ITGA4: variants seen among roughly 807,000 people sequenced by gnomAD.
ITGA4 encodes the protein integrin subunit alpha 4.
Under a neutral mutation model 133.6 loss-of-function variants are expected in ITGA4, and 63 were observed. The ratio of observed to expected loss-of-function variants is 0.47; its 90% CI spans 0.38 to 0.58. ITGA4 has a LOEUF of 0.58. Ranked by LOEUF, ITGA4 falls within the 20% of genes least tolerant of loss-of-function variation. ITGA4 has a pLI of 0.00. For synonymous variants in ITGA4, 483 were observed against 438.0 expected (o/e 1.10, Z -1.28); for missense variants, 1,076 against 1,252.7 (o/e 0.86, Z 2.13).
chr2:181,531,678 C>T lies in ITGA4; in HGVS notation c.2686C>T (p.His896Tyr). ...RLLYCIKADP[H>Y]CLNFLCNFGK... The stretch of plus-strand genomic sequence containing the variant: ...CAAGTACTGCATAAAAGCTGATCCA[C>T]ATTGTTTAAATTTCTTGTGTAATTT... The change falls in exon 25 of 28, where the codon CAT becomes TAT. Residue 896 changes from histidine to tyrosine, a missense_variant. His to Tyr is a moderately conservative substitution (Grantham distance 83, BLOSUM62 2). This residue lies in a region of ITGA4 where 193 missense variants were observed against 172.3 expected (regional missense o/e 1.12). Transcript: ENST00000397033. 1 of 1,599,838 alleles carries T rather than the reference C, an allele frequency of 6.3e-7. No homozygotes were observed.
At chr2:181,458,495 G>A (rs1403438857) in intron 2 of ITGA4, 178 bp downstream of exon 2, 4 of 667,244 alleles carry the variant, frequency 6.0e-6, no homozygotes, top group Non-Finnish European at 5.1e-6. Flanking sequence ...TTCCCTTTCT[G>A]TTAATATCGT....
intron 17 of ITGA4, among the ~76,000 whole-genome samples, chr2:181,521,723 C>T (rs1686724474): frequency 6.6e-6 from 1 of 152,186 alleles, no homozygotes; most frequent in South Asian, 2.1e-4. Context: ...TTCCTCATGC[C>T]TTGCTCACTT....
At position 181,537,884 on chromosome 2, in the gene ITGA4, T is replaced by C. The variant is rs1256389448; in HGVS notation, c.*2357T>C. On this transcript the variant is annotated 3_prime_UTR_variant, in exon 28 of 28. Coordinates refer to ENST00000397033, the MANE Select transcript of ITGA4 (RefSeq NM_000885.6). ...GCCACACAGCAGGAGGTTAGAGCAA[T>C]GGAGCATTACTGAGTTCCTCCCCCT... The C allele has an allele frequency of 1.8e-6, 1 of 546,086 alleles. No individual in the cohort carries two copies. Among genetic ancestry groups the C allele is most frequent in the Non-Finnish European group, 3.5e-6 (1 of 286,480 alleles). 33.8% of individuals were successfully genotyped at this position (546,086 alleles called of 1,614,324 possible).
intron 4 of ITGA4, 42 bp downstream of exon 4, chr2:181,475,330 G>A (rs760948733): frequency 6.8e-7 from 1 of 1,479,128 alleles, no homozygotes; most frequent in South Asian, 1.2e-5. Context: ...AGATAAGTAA[G>A]TGAATACCTT....
chr2:181,464,346 C>T (rs1685361601), intron 2 of ITGA4, among the ~76,000 whole-genome samples: 1 of 152,084 alleles, frequency 6.6e-6, no homozygotes, highest in African/African-American at 2.4e-5. Context: ...GAAACAATAG[C>T]AAGCGTCAAT....
Position 181,537,088 on chromosome 2 carries a change from T to C in ITGA4, c.*1561T>C, listed in dbSNP as rs1217316697. The C allele has an allele frequency of 6.6e-6, 3 of 451,588 alleles. No individual in the cohort carries two copies. The highest frequency in any genetic ancestry group is 1.6e-5 in the South Asian group (1 of 64,158). The allele number at this position is 451,588 out of a possible 1,614,324, so 28.0% of individuals were successfully genotyped here. A position where few individuals can be genotyped will look rare whatever the true frequency, so the allele number is the denominator to read the frequency against. On this transcript the variant is annotated 3_prime_UTR_variant, in exon 28 of 28. Transcript: ENST00000397033. ...AAACCTCCTGAACCCAGAGTGTGTA[T>C]ACACAGGAATAAACTTTATGACATT...
chr2:181,505,561 A>G (rs529603795), intron 15 of ITGA4, among the ~76,000 whole-genome samples: 148 of 152,190 alleles, frequency 9.7e-4, no homozygotes, highest in African/African-American at 3.3e-3. Flanking sequence ...AAACAAATCT[A>G]CTTTTTTACT....
intron 15 of ITGA4, among the ~76,000 whole-genome samples, chr2:181,508,466 G>C (rs1311458118): frequency 1.3e-5 from 2 of 151,464 alleles, no homozygotes; most frequent in South Asian, 2.1e-4. Flanking sequence ...GAGGCCGAGT[G>C]GGGTGGATCA....
At chr2:181,496,801 G>T (rs548814146) in intron 14 of ITGA4, among the ~76,000 whole-genome samples, 1 of 152,128 alleles carries the variant, frequency 6.6e-6, no homozygotes, top group Non-Finnish European at 1.5e-5. Flanking sequence ...AATTCACAAC[G>T]TTTATGATCC....
At chr2:181,460,566 A>AAT (rs79689303) in intron 2 of ITGA4, among the ~76,000 whole-genome samples, 30,569 of 147,920 alleles carry the variant, frequency 0.21, 3,691 homozygotes, top group African/African-American at 0.32. Context: ...TCTGTAGAAG[A>AAT]GTGTGTGTGT....
intron 16 of ITGA4, 125 bp from the exon 17 acceptor site, chr2:181,511,572 AAG>A: frequency 1.8e-6 from 1 of 565,354 alleles, no homozygotes; most frequent in Non-Finnish European, 3.1e-6. Context: ...AGATAAAATA[AAG>A]AGTTGTCAAT....
Position 181,537,876 on chromosome 2 carries a change from T to C in ITGA4, c.*2349T>C. 1 of 537,718 alleles carries C rather than the reference T, an allele frequency of 1.9e-6. No homozygotes were observed. Among genetic ancestry groups the C allele is most frequent in the Admixed American group, 2.2e-5 (1 of 45,132 alleles). 33.3% of individuals were successfully genotyped at this position (537,718 alleles called of 1,614,324 possible). On this transcript the variant is annotated 3_prime_UTR_variant, in exon 28 of 28. Coordinates refer to ENST00000397033, the MANE Select transcript of ITGA4 (RefSeq NM_000885.6). ...TCCGTTTGGCCACACAGCAGGAGGT[T>C]AGAGCAATGGAGCATTACTGAGTTC...
rs1686809665 is a variant in ITGA4, at chr2:181,525,290, G to A, written c.2338G>A (p.Gly780Arg). 2 of 1,527,244 alleles carry A rather than the reference G, an allele frequency of 1.3e-6. No individual in the cohort carries two copies. Among genetic ancestry groups the A allele is most frequent in the Non-Finnish European group, 1.8e-6 (2 of 1,103,204 alleles). 94.6% of individuals were successfully genotyped at this position (1,527,244 alleles called of 1,614,324 possible). The change falls in exon 21 of 28, where the codon GGG becomes AGG. Residue 780 changes from glycine (G) to arginine (R), a missense_variant and splice_region_variant. Gly to Arg is a moderately radical substitution (Grantham distance 125, BLOSUM62 -2). This residue lies in a region of ITGA4 where 365 missense variants were observed against 421.4 expected (regional missense o/e 0.87). Transcript: ENST00000397033. ...LKYEVKLTVHGFVNPTSFVYG... is the reference protein window; with the variant it reads ...LKYEVKLTVHRFVNPTSFVYG... ...ATATGAGGTTAAGCTGACTGTTCAT[G>A]GGTAAGTAGACATAAAGGCTTCCTT... is the stretch of plus-strand genomic sequence containing the variant.
At chr2:181,504,219 G>T (rs11689738) in intron 15 of ITGA4, among the ~76,000 whole-genome samples, 1 of 151,764 alleles carries the variant, frequency 6.6e-6, no homozygotes, top group African/African-American at 2.4e-5. Context: ...AGTGGCCTTC[G>T]CATGTTTTAT....
intron 27 of ITGA4, 152 bp from the exon 28 acceptor site, chr2:181,535,280 A>G (rs1285225060): frequency 3.2e-6 from 2 of 617,580 alleles, no homozygotes; most frequent in Non-Finnish European, 5.2e-6. Context: ...ACTAATTTTT[A>G]CTGATTACCT....
At chr2:181,501,851 C>T (rs1686279491) in intron 15 of ITGA4, among the ~76,000 whole-genome samples, 1 of 152,044 alleles carries the variant, frequency 6.6e-6, no homozygotes, top group African/African-American at 2.4e-5. Flanking sequence ...TCAACTAAGG[C>T]TTTGTACATA....
chr2:181,475,793 T>A (rs1396624396), intron 4 of ITGA4: 1 of 1,585,234 alleles, frequency 6.3e-7, no homozygotes, highest in African/African-American at 1.3e-5. Flanking sequence ...TTTGAAACAT[T>A]TTTCTCATGG....
At position 181,525,403 on chromosome 2, in the gene ITGA4, CTCTA is replaced by C. The variant is rs915946117; in HGVS notation, c.2339+116_2339+119del. 3.2e-5 allele frequency: 19 copies of C among 588,984 alleles called. No homozygotes were observed. The East Asian group carries it at 3.9e-4, about 12-fold the overall frequency. 36.5% of individuals were successfully genotyped at this position (588,984 alleles called of 1,614,324 possible). A position where few individuals can be genotyped will look rare whatever the true frequency, so the allele number is the denominator to read the frequency against. ...GAATTTTTTTAAAATAAAAAGGATACTCTATCTTTTAATAATTACCTCATTGTTA... is the reference window on the plus strand; with the variant it reads ...GAATTTTTTTAAAATAAAAAGGATACTCTTTTAATAATTACCTCATTGTTA... On this transcript the variant is annotated intron_variant, in intron 21 of 27. Transcript: ENST00000397033.
At chr2:181,473,128 C>T (rs1252535392) in intron 2 of ITGA4, among the ~76,000 whole-genome samples, 1 of 152,240 alleles carries the variant, frequency 6.6e-6, no homozygotes, top group African/African-American at 2.4e-5. Flanking sequence ...ATGAGAACCA[C>T]TTAGGGCAGG....
Sources: allele counts gnomAD v4.1 joint callset (sites outside exome capture counted in the v4.1 genomes callset), GRCh38; gene constraint gnomAD v4.1.1; regional missense constraint gnomAD v4.1.1; transcripts MANE v1.5; gene names NCBI Gene and HGNC (gene_info 2026-07-23, HGNC 2026-07-21).